Variants in RASGRF2 observed in about 807,000 individuals in gnomAD.
The protein encoded by RASGRF2 is Ras protein specific guanine nucleotide releasing factor 2.
Under a neutral mutation model 151.0 loss-of-function variants are expected in RASGRF2, and 76 were observed. The observed-to-expected ratio is 0.50, with a 90% CI of 0.42 to 0.61. RASGRF2 has a LOEUF of 0.61. Ranked by LOEUF, RASGRF2 falls within the 20% of genes least tolerant of loss-of-function variation. The pLI, the probability that RASGRF2 is intolerant of heterozygous loss-of-function variation, is 0.00. For missense variants in RASGRF2, 1,148 were observed against 1,564.6 expected, an observed-to-expected ratio of 0.73 and a Z score of 4.49; for synonymous variants, 504 against 566.5, an observed-to-expected ratio of 0.89 and a Z score of 1.57.
chr5:80,980,914 G>A (rs1226971490), intron 1 of RASGRF2, among the ~76,000 whole-genome samples: 1 of 151,824 alleles, frequency 6.6e-6, no homozygotes. Flanking sequence ...TTCTTCCAGA[G>A]CCCACTTACC....
intron 25 of RASGRF2, among the ~76,000 whole-genome samples, chr5:81,219,332 C>T (rs921439236): frequency 2.0e-5 from 3 of 152,070 alleles, no homozygotes; most frequent in Admixed American, 6.6e-5. Context: ...CCACCCACCT[C>T]GGCCTCCCAA....
At chr5:81,116,066 CTTTTTTTTTTTTTTTTTTTTTT>C (rs575647502) in intron 15 of RASGRF2, among the ~76,000 whole-genome samples, 1 of 49,042 alleles carries the variant, frequency 2.0e-5, no homozygotes, top group Non-Finnish European at 3.9e-5. Context: ...AATGCCATTT[CTTTTTTTTTTTTTTTTTTTTTT>C]TTTTTTTTTT....
chr5:81,026,423 G>A (rs1750034700), intron 1 of RASGRF2, among the ~76,000 whole-genome samples: 2 of 152,008 alleles, frequency 1.3e-5, no homozygotes, highest in Non-Finnish European at 2.9e-5. Flanking sequence ...TTGCATAGGA[G>A]ATGCTCCCCT....
chr5:81,025,856 A>G (rs1750002216), intron 1 of RASGRF2, among the ~76,000 whole-genome samples: 1 of 152,118 alleles, frequency 6.6e-6, no homozygotes, highest in Non-Finnish European at 1.5e-5. Context: ...AGAAATGGTG[A>G]TATTTTCCCC....
chr5:81,163,595 G>C (rs140666651), intron 17 of RASGRF2, among the ~76,000 whole-genome samples: 1 of 152,182 alleles, frequency 6.6e-6, no homozygotes, highest in African/African-American at 2.4e-5. Context: ...ATGTGGTCTC[G>C]CTACAAAAGA....
intron 21 of RASGRF2, among the ~76,000 whole-genome samples, chr5:81,207,603 G>C (rs1469339949): frequency 6.6e-6 from 1 of 152,190 alleles, no homozygotes; most frequent in Non-Finnish European, 1.5e-5. Flanking sequence ...GTAATTTCGA[G>C]TGTTTTTAAT....
intron 2 of RASGRF2, among the ~76,000 whole-genome samples, chr5:81,063,698 T>C (rs2112443284): frequency 6.6e-6 from 1 of 152,330 alleles, no homozygotes; most frequent in East Asian, 1.9e-4. Context: ...TTTAGTGTTC[T>C]TTATTTGACC....
intron 18 of RASGRF2, among the ~76,000 whole-genome samples, chr5:81,180,796 A>G (rs543373652): frequency 2.6e-5 from 4 of 151,614 alleles, no homozygotes; most frequent in Non-Finnish European, 5.9e-5. Flanking sequence ...ATGCCCGTTG[A>G]TGTTTTGGGT....
chr5:81,086,801 C>A, intron 8 of RASGRF2, 34 bp from the exon 9 acceptor site: 1 of 1,545,646 alleles, frequency 6.5e-7, no homozygotes. Context: ...GAGAAAATCT[C>A]TCTTACTGTG....
intron 16 of RASGRF2, among the ~76,000 whole-genome samples, chr5:81,126,611 C>T (rs1478137439): frequency 6.6e-6 from 1 of 152,198 alleles, no homozygotes; most frequent in Non-Finnish European, 1.5e-5. Flanking sequence ...CTTTCTCCCT[C>T]TATGGGTTCA....
intron 2 of RASGRF2, among the ~76,000 whole-genome samples, chr5:81,051,526 T>C (rs1751010973): frequency 6.6e-6 from 1 of 152,150 alleles, no homozygotes; most frequent in African/African-American, 2.4e-5. Context: ...CTAATCTCCT[T>C]TCTGTGTTTA....
chr5:80,981,891 A>G (rs1748314026), intron 1 of RASGRF2, among the ~76,000 whole-genome samples: 1 of 152,262 alleles, frequency 6.6e-6, no homozygotes, highest in South Asian at 2.1e-4. Context: ...TTTAAAAAGC[A>G]AAGCATCTAG....
chr5:81,075,502 A>G (rs190409), intron 5 of RASGRF2, among the ~76,000 whole-genome samples: 80,931 of 151,920 alleles, frequency 0.53, 21,914 homozygotes, highest in East Asian at 0.56. Flanking sequence ...GCCTTCCCCC[A>G]TCGGAGGCCC....
Position 81,050,827 on chromosome 5 carries a change from A to G in RASGRF2, c.395+7844A>G, listed in dbSNP as rs563695939. Among the ~76,000 whole-genome samples the G allele has an allele frequency of 2.0e-5, 3 of 152,286 alleles. No homozygotes were observed. The East Asian group carries it at 5.8e-4, about 29-fold the overall frequency. ...TGTCTGTATCTCTCTGTCAACCTGA[A>G]TTCCTTCAAAGCAAATTGTGTACTA... On this transcript the variant is annotated intron_variant, in intron 2 of 26. Transcript: ENST00000265080.
chr5:81,203,911 G>A (rs1755449711), intron 19 of RASGRF2, among the ~76,000 whole-genome samples: 1 of 152,226 alleles, frequency 6.6e-6, no homozygotes, highest in Non-Finnish European at 1.5e-5. Context: ...TATGGCCCAA[G>A]TGAAACCAGG....
At chr5:80,991,130 C>A (rs1179212891) in intron 1 of RASGRF2, among the ~76,000 whole-genome samples, 1 of 152,168 alleles carries the variant, frequency 6.6e-6, no homozygotes, top group Non-Finnish European at 1.5e-5. Flanking sequence ...ATCTGCAAAT[C>A]CCCTGGAGGC....
At chr5:81,084,656 C>T (rs766992244) in intron 7 of RASGRF2, among the ~76,000 whole-genome samples, 22 of 152,116 alleles carry the variant, frequency 1.4e-4, no homozygotes, top group Non-Finnish European at 2.9e-4. Context: ...GTAAGCAGCC[C>T]AATGAAGGCC....
At chr5:81,014,029 C>CT (rs1163786409) in intron 1 of RASGRF2, among the ~76,000 whole-genome samples, 2 of 151,796 alleles carry the variant, frequency 1.3e-5, no homozygotes, top group East Asian at 1.9e-4. Context: ...TATGGATCGT[C>CT]TTTTTTTTAT....
intron 1 of RASGRF2, among the ~76,000 whole-genome samples, chr5:80,988,839 AC>A (rs1243498048): frequency 3.9e-5 from 6 of 152,256 alleles, no homozygotes; most frequent in Non-Finnish European, 8.8e-5. Context: ...GTACATACAA[AC>A]AAAAATAAAG....
Sources: allele counts gnomAD v4.1 joint callset (sites outside exome capture counted in the v4.1 genomes callset), GRCh38; gene constraint gnomAD v4.1.1; transcripts MANE v1.5; gene names NCBI Gene and HGNC (gene_info 2026-07-23, HGNC 2026-07-21).